DCDC1: variants seen among roughly 807,000 people sequenced by gnomAD.
The protein encoded by DCDC1 is doublecortin domain containing 1, also known as doublecortin domain-containing protein 1.
In DCDC1, 200 loss-of-function variants were observed where a neutral mutation model predicts 178.3. The ratio of observed to expected loss-of-function variants is 1.12; its 90% CI spans 1.00 to 1.26. The LOEUF (loss-of-function observed/expected upper bound fraction) is 1.26. Ranked by LOEUF, DCDC1 falls within the 50% of genes most tolerant of loss-of-function variation. The probability of loss-of-function intolerance (pLI) is 0.00; values close to 1 mark genes in which losing one functional copy is unlikely to be tolerated. For missense variants in DCDC1, 1,983 were observed against 1,749.2 expected, an observed-to-expected ratio of 1.13 and a Z score of -2.38; for synonymous variants, 690 against 604.8, an observed-to-expected ratio of 1.14 and a Z score of -2.07.
At chr11:30,931,629 T>C (rs1408701982) in intron 22 of DCDC1, 142 bp downstream of exon 22, 5 of 822,010 alleles carry the variant, frequency 6.1e-6, no homozygotes, top group Non-Finnish European at 9.0e-6. Flanking sequence ...TCCTAGTCTC[T>C]ATTTTCATCT....
intron 38 of DCDC1, among the ~76,000 whole-genome samples, chr11:30,867,350 T>C (rs1381523177): frequency 1.3e-5 from 2 of 152,238 alleles, no homozygotes; most frequent in Non-Finnish European, 2.9e-5. Flanking sequence ...TTTCACTTCT[T>C]GAAAGCCCAG....
intron 21 of DCDC1, among the ~76,000 whole-genome samples, chr11:30,945,745 T>TATCTATC (rs1947993756): frequency 7.6e-6 from 1 of 131,924 alleles, no homozygotes; most frequent in African/African-American, 4.2e-5. Context: ...TCTATCTATC[T>TATCTATC]ATCTGTCTGT....
intron 22 of DCDC1, among the ~76,000 whole-genome samples, chr11:30,929,842 A>G (rs1388649237): frequency 6.6e-6 from 1 of 152,102 alleles, no homozygotes; most frequent in African/African-American, 2.4e-5. Flanking sequence ...AGTCACTATT[A>G]AGACTAATTG....
chr11:31,035,854 T>C (rs1027349684), intron 20 of DCDC1, among the ~76,000 whole-genome samples: 3 of 152,246 alleles, frequency 2.0e-5, no homozygotes, highest in African/African-American at 7.2e-5. Context: ...GGAATTCTCC[T>C]GTAAGAAAGA....
At chr11:31,262,941 G>A (rs1944890956) in intron 8 of DCDC1, 2 of 1,162,994 alleles carry the variant, frequency 1.7e-6, no homozygotes, top group African/African-American at 1.5e-5. Flanking sequence ...GCTTTTATAA[G>A]GATGCAAAAA....
intron 20 of DCDC1, among the ~76,000 whole-genome samples, chr11:30,999,850 AG>A (rs1951475415): frequency 1.3e-5 from 2 of 152,234 alleles, no homozygotes; most frequent in Non-Finnish European, 2.9e-5. Flanking sequence ...TGGCAATCTT[AG>A]GAGCACACTG....
At chr11:30,973,317 C>T (rs972022288) in intron 20 of DCDC1, among the ~76,000 whole-genome samples, 3 of 150,836 alleles carry the variant, frequency 2.0e-5, no homozygotes, top group Admixed American at 1.3e-4. Flanking sequence ...TCTCTCTCTT[C>T]CTCCTGCTCT....
chr11:31,249,734 T>C (rs1028204634), intron 8 of DCDC1, among the ~76,000 whole-genome samples: 1 of 152,180 alleles, frequency 6.6e-6, no homozygotes, highest in Non-Finnish European at 1.5e-5. Context: ...GCAAGAGACC[T>C]AAATTGTTAC....
intron 1 of DCDC1, among the ~76,000 whole-genome samples, chr11:31,355,789 G>A (rs972482359): frequency 6.6e-6 from 1 of 151,928 alleles, no homozygotes; most frequent in Non-Finnish European, 1.5e-5. Context: ...GGCCGGTCTC[G>A]AGCTCCCGAC....
chr11:31,250,203 C>T (rs989818068), intron 8 of DCDC1, among the ~76,000 whole-genome samples: 6 of 151,314 alleles, frequency 4.0e-5, no homozygotes, highest in African/African-American at 1.5e-4. Context: ...TTACAAACCT[C>T]CTATTTAAGT....
At chr11:31,221,512 T>C (rs965434145) in intron 9 of DCDC1, among the ~76,000 whole-genome samples, 5 of 152,176 alleles carry the variant, frequency 3.3e-5, no homozygotes, top group Non-Finnish European at 7.3e-5. Flanking sequence ...CCCTTTTGTC[T>C]CTCCGCCCCA....
chr11:31,134,822 C>T (rs748241710), intron 10 of DCDC1, among the ~76,000 whole-genome samples: 1 of 152,196 alleles, frequency 6.6e-6, no homozygotes, highest in South Asian at 2.1e-4. Context: ...TAGCAAGACC[C>T]TATCTCTACA....
At chr11:31,074,442 T>C (rs898853227) in intron 18 of DCDC1, among the ~76,000 whole-genome samples, 3 of 152,190 alleles carry the variant, frequency 2.0e-5, no homozygotes, top group Admixed American at 1.3e-4. Context: ...AGAGCTCTCA[T>C]GGACAGAATT....
At chr11:31,165,615 GC>G (rs1966712249) in intron 9 of DCDC1, among the ~76,000 whole-genome samples, 1 of 152,130 alleles carries the variant, frequency 6.6e-6, no homozygotes, top group African/African-American at 2.4e-5. Flanking sequence ...CTGGCTGAAA[GC>G]CATTTTTTTA....
rs751483183 is a variant in DCDC1 at position 30,916,887 on chromosome 11, T to A, written c.3435A>T (p.Glu1145Asp). 6.2e-7 allele frequency: 1 copy of A among 1,605,844 alleles called. No homozygotes were observed. The highest frequency in any genetic ancestry group is 2.2e-5 in the East Asian group (1 of 44,788). The change falls in exon 26 of 39, where the codon GAA becomes GAT. Residue 1145 changes from glutamate to aspartate, a missense_variant. Transcript: ENST00000684477. ...KTEKGLFENVEPQKKHSCSPK... is the reference protein window; with the variant it reads ...KTEKGLFENVDPQKKHSCSPK... Reference sequence around the variant, plus strand: ...CTTTTTACCTGTGTTTCTTCTGTGGTTCCACATTTTCAAAGAGCCCTTTTT... The same window carrying A: ...CTTTTTACCTGTGTTTCTTCTGTGGATCCACATTTTCAAAGAGCCCTTTTT...
At chr11:30,880,242 A>G (rs1156355228) in intron 37 of DCDC1, among the ~76,000 whole-genome samples, 2 of 152,116 alleles carry the variant, frequency 1.3e-5, no homozygotes, top group East Asian at 3.9e-4. Flanking sequence ...AACAAAGAAT[A>G]AAAGGACTGG....
chr11:31,197,663 G>C (rs1970841587), intron 9 of DCDC1, among the ~76,000 whole-genome samples: 1 of 152,048 alleles, frequency 6.6e-6, no homozygotes, highest in Non-Finnish European at 1.5e-5. Flanking sequence ...GTTACTACTG[G>C]AGGAAAGAGG....
chr11:30,888,941 G>C (rs1943545748), intron 36 of DCDC1, among the ~76,000 whole-genome samples: 1 of 152,134 alleles, frequency 6.6e-6, no homozygotes, highest in Non-Finnish European at 1.5e-5. Flanking sequence ...TCCTCAGGTG[G>C]GGCACATGGG....
Position 31,082,840 on chromosome 11 carries a change from A to G in DCDC1, c.2238-4915T>C, listed in dbSNP as rs557499100. Among the ~76,000 whole-genome samples, 16 of 152,270 alleles carry G rather than the reference A, an allele frequency of 1.1e-4. No individual in the cohort carries two copies. The South Asian group carries it at 1.9e-3, about 18-fold the overall frequency. ...CCTCAAATGGCTCTGGTGTCTACCA[A>G]TGCTACCCGGGCCAAAAGTAGAATG... is the stretch of plus-strand genomic sequence containing the variant. On this transcript the variant is annotated intron_variant, in intron 17 of 38. Transcript: ENST00000684477.
Sources: gnomAD v4.1 joint callset for allele counts (sites outside exome capture counted in the v4.1 genomes callset) on GRCh38, gnomAD v4.1.1 for gene constraint, MANE v1.5 for transcripts, NCBI Gene and HGNC (gene_info 2026-07-23, HGNC 2026-07-21) for gene names.